SUZ12: variants seen among roughly 807,000 people sequenced by gnomAD.
SUZ12 encodes the protein SUZ12 polycomb repressive complex 2 subunit, also known as polycomb protein SUZ12.
In SUZ12, 17 loss-of-function variants were observed where a neutral mutation model predicts 87.3. The ratio of observed to expected loss-of-function variants is 0.19; its 90% CI spans 0.13 to 0.29. The LOEUF (loss-of-function observed/expected upper bound fraction) is 0.29, where lower values mean the gene tolerates loss of function less well. Among genes scored for constraint, SUZ12 ranks in the 10% least tolerant of loss-of-function variants. SUZ12 has a pLI of 1.00. For synonymous variants in SUZ12, 253 were observed against 312.4 expected, an observed-to-expected ratio of 0.81 and a Z score of 2.01; for missense variants, 526 against 912.2, an observed-to-expected ratio of 0.58 and a Z score of 5.45.
intron 6 of SUZ12, among the ~76,000 whole-genome samples, chr17:31,974,222 A>C (rs1908605507): frequency 6.6e-6 from 1 of 150,636 alleles, no homozygotes. Flanking sequence ...AAAAAAAAAA[A>C]TGTATGTAAA....
Position 31,944,347 on chromosome 17 carries a change from C to T in SUZ12, c.387-3270C>T, listed in dbSNP as rs550923277. Among the ~76,000 whole-genome samples the T allele has an allele frequency of 7.2e-5, 11 of 152,134 alleles. No homozygotes were observed. The East Asian group carries it at 1.4e-3, about 19-fold the overall frequency. ...TTCTCCATGTTGGTCAGGCTGGTCTCGAACTCCCGACCTCAGGTGATCTGC... is the reference window on the plus strand; with the variant it reads ...TTCTCCATGTTGGTCAGGCTGGTCTTGAACTCCCGACCTCAGGTGATCTGC... On this transcript the variant is annotated intron_variant, in intron 3 of 15. Transcript: ENST00000322652.
At chr17:31,994,841 G>C in intron 13 of SUZ12, 120 bp downstream of exon 13, 1 of 1,056,282 alleles carries the variant, frequency 9.5e-7, no homozygotes, top group Non-Finnish European at 1.3e-6. Flanking sequence ...TTCAGTATTA[G>C]GTGTCTATGG....
intron 4 of SUZ12, among the ~76,000 whole-genome samples, chr17:31,957,379 A>G (rs1297058740): frequency 6.6e-6 from 1 of 151,578 alleles, no homozygotes; most frequent in Non-Finnish European, 1.5e-5. Flanking sequence ...AGCTGGGATT[A>G]CAGACATGCA....
Position 31,994,498 on chromosome 17 carries a change from A to T in SUZ12, c.1438-66A>T. The T allele has an allele frequency of 8.0e-6, 11 of 1,371,796 alleles. 1 individual carries two copies. The South Asian group carries it at 1.6e-4, about 19-fold the overall frequency. The allele number at this position is 1,371,796 out of a possible 1,614,324, so 85.0% of individuals were successfully genotyped here. Reference sequence around the variant, plus strand: ...ATATTAAGAGCCCACAAATTCTTTAATTAAATTGGAGGGATATTTAGGATA... The same window carrying T: ...ATATTAAGAGCCCACAAATTCTTTATTTAAATTGGAGGGATATTTAGGATA... On this transcript the variant is annotated intron_variant, in intron 12 of 15. Transcript: ENST00000322652.
intron 3 of SUZ12, among the ~76,000 whole-genome samples, chr17:31,944,753 A>G (rs2142124467): frequency 1.3e-5 from 2 of 152,292 alleles, no homozygotes; most frequent in Middle Eastern, 3.4e-3. Flanking sequence ...CTTGTGTAAC[A>G]TTTAGTACTT....
intron 4 of SUZ12, among the ~76,000 whole-genome samples, chr17:31,961,603 C>A (rs1907719800): frequency 6.6e-6 from 1 of 152,112 alleles, no homozygotes; most frequent in African/African-American, 2.4e-5. Flanking sequence ...GTATAATGTA[C>A]CATTTAAAAC....
intron 11 of SUZ12, 140 bp downstream of exon 11, chr17:31,993,473 G>A: frequency 1.6e-6 from 1 of 639,912 alleles, no homozygotes. Context: ...CCAGGCTGGA[G>A]TGCAGTGGTG....
At chr17:31,989,558 C>T (rs1260506018) in intron 10 of SUZ12, among the ~76,000 whole-genome samples, 1 of 151,920 alleles carries the variant, frequency 6.6e-6, no homozygotes, top group Non-Finnish European at 1.5e-5. Context: ...GGAATCACAA[C>T]TACAAAGAGC....
chr17:31,952,028 G>A (rs1426378127), intron 4 of SUZ12, among the ~76,000 whole-genome samples: 1 of 151,782 alleles, frequency 6.6e-6, no homozygotes, highest in Non-Finnish European at 1.5e-5. Context: ...TTCCACCTTG[G>A]CCTCTCAAAG....
chr17:31,944,825 C>G (rs868571677), intron 3 of SUZ12, among the ~76,000 whole-genome samples: 1 of 151,960 alleles, frequency 6.6e-6, no homozygotes, highest in Non-Finnish European at 1.5e-5. Context: ...TTTATTTGAG[C>G]GTATCAAGTG....
chr17:31,942,334 T>G (rs1906349581), intron 3 of SUZ12, among the ~76,000 whole-genome samples: 1 of 151,864 alleles, frequency 6.6e-6, no homozygotes, highest in Admixed American at 6.6e-5. Flanking sequence ...TTTTTTTTGT[T>G]TTGTTTTTAT....
chr17:31,978,170 A>G (rs1908870321), intron 8 of SUZ12, among the ~76,000 whole-genome samples: 1 of 152,088 alleles, frequency 6.6e-6, no homozygotes, highest in Non-Finnish European at 1.5e-5. Flanking sequence ...AACCAGGGAA[A>G]GTAACTAGGC....
At chr17:31,981,393 T>A (rs985795091) in intron 8 of SUZ12, among the ~76,000 whole-genome samples, 47 of 152,316 alleles carry the variant, frequency 3.1e-4, no homozygotes, top group African/African-American at 1.1e-3. Context: ...TTTTTTCACT[T>A]ATCAGATTGA....
At position 31,937,018 on chromosome 17, in the gene SUZ12, A is replaced by T. The variant is rs369869841; in HGVS notation, c.-229A>T. ...CGGGGGAAGTGGGCGGAGCGAGGCC[A>T]GGGTAGGGTGAGCGGCCTCCGAAGC... On this transcript the variant is annotated 5_prime_UTR_variant, in exon 1 of 16. Transcript: ENST00000322652. 2.0e-5 allele frequency: 7 copies of T among 357,396 alleles called. No individual in the cohort carries two copies. The highest frequency in any genetic ancestry group is 9.7e-5 in the Admixed American group (2 of 20,720). 22.1% of individuals were successfully genotyped at this position (357,396 alleles called of 1,614,324 possible).
At chr17:31,976,372 G>A (rs1432606411) in intron 7 of SUZ12, 149 bp from the exon 8 acceptor site, 6 of 547,936 alleles carry the variant, frequency 1.1e-5, no homozygotes, top group Non-Finnish European at 1.9e-5. Context: ...ATGCAAAATT[G>A]GAAACATGTG....
intron 8 of SUZ12, among the ~76,000 whole-genome samples, chr17:31,980,987 G>A (rs1460235993): frequency 4.0e-5 from 6 of 151,516 alleles, no homozygotes; most frequent in Non-Finnish European, 7.4e-5. Flanking sequence ...AGCTATGATT[G>A]TGTCACTGCA....
intron 5 of SUZ12, among the ~76,000 whole-genome samples, chr17:31,970,190 C>G (rs1044573894): frequency 2.6e-5 from 4 of 152,166 alleles, no homozygotes; most frequent in East Asian, 1.9e-4. Flanking sequence ...GAGTATTGTT[C>G]GGCAAATATT....
rs113239966 is a variant in SUZ12 at position 31,990,851 on chromosome 17, G to A, written c.1201+2354G>A. ...AAACCACCGCCTCCCAGGCTCAAGC[G>A]ATCCTCCCACCTTAGCCCTCCATAT... On this transcript the variant is annotated intron_variant, in intron 10 of 15. Coordinates refer to ENST00000322652, the MANE Select transcript of SUZ12 (RefSeq NM_015355.4). Among the ~76,000 whole-genome samples, 10 of 152,016 alleles carry A rather than the reference G, an allele frequency of 6.6e-5. No individual in the cohort carries two copies. In the South Asian group the frequency reaches 1.7e-3, roughly 25 times the overall value.
chr17:31,955,298 A>C (rs1219299633), intron 4 of SUZ12, among the ~76,000 whole-genome samples: 1 of 152,066 alleles, frequency 6.6e-6, no homozygotes, highest in African/African-American at 2.4e-5. Context: ...AGGTTTTTTT[A>C]GGAGACAGGG....
Sources: gnomAD v4.1 joint callset for allele counts (sites outside exome capture counted in the v4.1 genomes callset) on GRCh38, gnomAD v4.1.1 for gene constraint, MANE v1.5 for transcripts, NCBI Gene and HGNC (gene_info 2026-07-23, HGNC 2026-07-21) for gene names.